The following SEMA6D variants were observed in gnomAD, a reference collection of about 807,000 sequenced individuals.
SEMA6D encodes the protein semaphorin 6D, also known as semaphorin-6D.
SEMA6D carries 35 observed loss-of-function variants against 106.6 expected under a neutral mutation model. The observed-to-expected ratio is 0.33, with a 90% confidence interval of 0.25 to 0.44. SEMA6D has a LOEUF of 0.44. SEMA6D is among the 20% of genes least tolerant of loss of function. The pLI, the probability that SEMA6D is intolerant of heterozygous loss-of-function variation, is 1.00. For synonymous variants in SEMA6D, 499 were observed against 487.7 expected (o/e 1.02, Z -0.31); for missense variants, 1,185 against 1,345.9 (o/e 0.88, Z 1.87).
chr15:47,726,926 A>G (rs1401072475), intron 1 of SEMA6D, among the ~76,000 whole-genome samples: 1 of 152,172 alleles, frequency 6.6e-6, no homozygotes, highest in Admixed American at 6.5e-5. Context: ...CCCACTCACT[A>G]TACTTGCCAC....
chr15:47,364,588 G>C (rs2038940987), intron 1 of SEMA6D, among the ~76,000 whole-genome samples: 1 of 152,124 alleles, frequency 6.6e-6, no homozygotes, highest in Non-Finnish European at 1.5e-5. Flanking sequence ...AACCAACATA[G>C]AATGCAACAT....
intron 2 of SEMA6D, among the ~76,000 whole-genome samples, chr15:47,423,935 G>C (rs2041250821): frequency 6.6e-6 from 1 of 151,994 alleles, no homozygotes; most frequent in African/African-American, 2.4e-5. Flanking sequence ...ATTGCAACCA[G>C]GCATAATTTG....
At chr15:47,610,475 G>A (rs1354862599) in intron 4 of SEMA6D, among the ~76,000 whole-genome samples, 1 of 152,044 alleles carries the variant, frequency 6.6e-6, no homozygotes, top group African/African-American at 2.4e-5. Flanking sequence ...GTTTTTTTAT[G>A]CCCTTAATAC....
intron 1 of SEMA6D, among the ~76,000 whole-genome samples, chr15:47,757,677 T>G (rs2081833127): frequency 6.6e-6 from 1 of 152,200 alleles, no homozygotes; most frequent in Non-Finnish European, 1.5e-5. Context: ...AGGAACAAGT[T>G]GTAAAATTTA....
At chr15:47,459,913 A>G (rs139424996) in intron 2 of SEMA6D, among the ~76,000 whole-genome samples, 48 of 152,174 alleles carry the variant, frequency 3.2e-4, no homozygotes, top group Admixed American at 1.1e-3. Context: ...ATAACACATG[A>G]ATTTATTAAA....
At chr15:47,333,657 G>T (rs2037434156) in intron 1 of SEMA6D, among the ~76,000 whole-genome samples, 1 of 152,116 alleles carries the variant, frequency 6.6e-6, no homozygotes, top group Non-Finnish European at 1.5e-5. Flanking sequence ...CCTCTTGCCA[G>T]GCACTATTCT....
chr15:47,253,336 T>C (rs1376316955), intron 1 of SEMA6D, among the ~76,000 whole-genome samples: 4 of 152,182 alleles, frequency 2.6e-5, no homozygotes, highest in Non-Finnish European at 5.9e-5. Flanking sequence ...TTGTTTCCTT[T>C]GCTATGCAGA....
At chr15:47,367,720 ACACACACAG>A (rs2039111016) in intron 1 of SEMA6D, among the ~76,000 whole-genome samples, 8 of 117,346 alleles carry the variant, frequency 6.8e-5, no homozygotes, top group Non-Finnish European at 1.3e-4. Context: ...ACACACACAC[ACACACACAG>A]AGAGAGAGAA....
At chr15:47,580,666 C>A (rs777436646) in intron 3 of SEMA6D, among the ~76,000 whole-genome samples, 19 of 152,158 alleles carry the variant, frequency 1.2e-4, no homozygotes, top group Admixed American at 5.9e-4. Flanking sequence ...GATTAAAAGC[C>A]CACTATGCAC....
intron 3 of SEMA6D, among the ~76,000 whole-genome samples, chr15:47,478,167 T>C (rs933280313): frequency 2.6e-5 from 4 of 152,160 alleles, no homozygotes; most frequent in African/African-American, 9.7e-5. Flanking sequence ...TCAGAAGCAG[T>C]AGAAAACAGT....
chr15:47,187,153 A>G (rs1893634091), intron 1 of SEMA6D, among the ~76,000 whole-genome samples: 2 of 152,214 alleles, frequency 1.3e-5, no homozygotes, highest in Admixed American at 1.3e-4. Context: ...TAGAAAATGA[A>G]GCACTTGTAA....
chr15:47,598,724 A>G (rs2076584732), intron 3 of SEMA6D, among the ~76,000 whole-genome samples: 1 of 152,158 alleles, frequency 6.6e-6, no homozygotes, highest in South Asian at 2.1e-4. Flanking sequence ...ATTAGAGTGT[A>G]TGTCACCTAA....
At chr15:47,273,297 AG>A (rs1428660187) in intron 1 of SEMA6D, among the ~76,000 whole-genome samples, 14 of 151,950 alleles carry the variant, frequency 9.2e-5, no homozygotes, top group African/African-American at 3.4e-4. Context: ...ACAGTGCCCA[AG>A]CCAGTTGCCC....
intron 1 of SEMA6D, among the ~76,000 whole-genome samples, chr15:47,271,773 A>G (rs114185007): frequency 0.029 from 4,492 of 152,308 alleles, 77 homozygotes; most frequent in Middle Eastern, 0.054. Flanking sequence ...TTAAAGAACC[A>G]GGAGTGAGAC....
intron 1 of SEMA6D, among the ~76,000 whole-genome samples, chr15:47,221,176 A>G (rs1231634238): frequency 6.6e-6 from 1 of 152,196 alleles, no homozygotes; most frequent in Non-Finnish European, 1.5e-5. Flanking sequence ...CCTGTAGAAG[A>G]TAAAAGAACA....
intron 2 of SEMA6D, among the ~76,000 whole-genome samples, chr15:47,457,340 C>T (rs79031184): frequency 0.014 from 2,145 of 151,836 alleles, 47 homozygotes; most frequent in African/African-American, 0.049. Context: ...AAAAAATACA[C>T]GTTTTATTAG....
chr15:47,738,719 G>A (rs1458547026), intron 1 of SEMA6D, among the ~76,000 whole-genome samples: 1 of 152,150 alleles, frequency 6.6e-6, no homozygotes, highest in African/African-American at 2.4e-5. Context: ...CATTTATCCA[G>A]CCACCATCCC....
Position 47,376,810 on chromosome 15 carries a change from C to A in SEMA6D, c.-238-35583C>A, listed in dbSNP as rs189558854. Reference sequence around the variant, plus strand: ...AATCTCCTCAAACCCCTCAGTTGACCCTTTGTAAATTTGTTACTGAGAAAT... The same window carrying A: ...AATCTCCTCAAACCCCTCAGTTGACACTTTGTAAATTTGTTACTGAGAAAT... On this transcript the variant is annotated intron_variant, in intron 1 of 19. Transcript: ENST00000558014. Among the ~76,000 whole-genome samples the A allele has an allele frequency of 3.9e-5, 6 of 152,236 alleles. No individual in the cohort carries two copies. In the East Asian group the frequency reaches 1.2e-3, roughly 29 times the overall value.
chr15:47,759,282 T>C (rs552773458), intron 1 of SEMA6D, among the ~76,000 whole-genome samples: 1 of 152,214 alleles, frequency 6.6e-6, no homozygotes, highest in Non-Finnish European at 1.5e-5. Flanking sequence ...TAAGGAGAGA[T>C]TATGACAGGA....
Sources: gnomAD v4.1 joint callset for allele counts (sites outside exome capture counted in the v4.1 genomes callset) on GRCh38, gnomAD v4.1.1 for gene constraint, MANE v1.5 for transcripts, NCBI Gene and HGNC (gene_info 2026-07-23, HGNC 2026-07-21) for gene names.